NTN1: variants seen among roughly 807,000 people sequenced by gnomAD.
NTN1 encodes netrin 1.
A neutral mutation model predicts 54.2 loss-of-function variants in NTN1; 11 were observed. The ratio of observed to expected loss-of-function variants is 0.20; its 90% CI spans 0.13 to 0.34. The LOEUF (loss-of-function observed/expected upper bound fraction) is 0.34. Ranked by LOEUF, NTN1 falls within the 10% of genes least tolerant of loss-of-function variation. NTN1 has a pLI of 1.00. For synonymous variants in NTN1, 371 were observed against 382.0 expected, an observed-to-expected ratio of 0.97 and a Z score of 0.33; for missense variants, 740 against 893.1, an observed-to-expected ratio of 0.83 and a Z score of 2.18.
intron 2 of NTN1, among the ~76,000 whole-genome samples, chr17:9,084,645 GTTTTTTTTTTT>G (rs35003160): frequency 1.2e-5 from 1 of 83,318 alleles, no homozygotes; most frequent in Non-Finnish European, 2.4e-5. Context: ...GTTCTTTGCA[GTTTTTTTTTTT>G]TTTTTTTTTT....
intron 2 of NTN1, among the ~76,000 whole-genome samples, chr17:9,105,360 G>A (rs35571395): frequency 0.075 from 11,445 of 152,244 alleles, 618 homozygotes; most frequent in Non-Finnish European, 0.11. Flanking sequence ...TTTTCTGAAG[G>A]TATCTGGAGC....
intron 2 of NTN1, among the ~76,000 whole-genome samples, chr17:9,069,331 C>G (rs1027205962): frequency 4.6e-5 from 7 of 151,764 alleles, no homozygotes; most frequent in African/African-American, 1.2e-4. Context: ...AAATTAAGTT[C>G]TAGGGACATG....
chr17:9,055,147 T>C (rs1203478887), intron 2 of NTN1, among the ~76,000 whole-genome samples: 4 of 152,168 alleles, frequency 2.6e-5, no homozygotes, highest in Non-Finnish European at 5.9e-5. Flanking sequence ...TCCCATCTGA[T>C]CAGAGACACT....
intron 2 of NTN1, among the ~76,000 whole-genome samples, chr17:9,046,187 T>C (rs1037212131): frequency 2.0e-5 from 3 of 152,120 alleles, no homozygotes; most frequent in African/African-American, 7.2e-5. Flanking sequence ...TAATAAATCT[T>C]AGAACTCAAC....
intron 2 of NTN1, among the ~76,000 whole-genome samples, chr17:9,130,463 G>T (rs116613584): frequency 0.01 from 1,569 of 152,220 alleles, 32 homozygotes; most frequent in African/African-American, 0.036. Context: ...TGTCTGTCCT[G>T]CAGGAGTTCA....
chr17:9,013,009 A>G, the NTN1 span, among the ~76,000 whole-genome samples: 1 of 151,854 alleles, frequency 6.6e-6, no homozygotes, highest in Non-Finnish European at 1.5e-5. Context: ...TCTAGGAGCC[A>G]TTTTTTGGTT....
intron 2 of NTN1, among the ~76,000 whole-genome samples, chr17:9,143,200 G>A (rs2092303385): frequency 6.6e-6 from 1 of 152,174 alleles, no homozygotes; most frequent in Admixed American, 6.5e-5. Flanking sequence ...AGAAGGTAGC[G>A]ATAAAGGGCC....
Position 9,241,582 on chromosome 17 carries a change from G to A in NTN1, c.*1614G>A, listed in dbSNP as rs1906216308. 6.6e-6 allele frequency: 1 copy of A among 152,334 alleles called. No homozygotes were observed. The highest frequency in any genetic ancestry group is 1.5e-5 in the Non-Finnish European group (1 of 68,130). 9.4% of individuals were successfully genotyped at this position (152,334 alleles called of 1,614,324 possible). On this transcript the variant is annotated 3_prime_UTR_variant, in exon 7 of 7. Transcript: ENST00000173229. ...GGTTTCACTTTCCCGGCCAGAGTTT[G>A]GCTGCTCAAAAGGGTCATACCAAGT...
At chr17:9,130,201 G>C (rs2092260140) in intron 2 of NTN1, among the ~76,000 whole-genome samples, 1 of 152,118 alleles carries the variant, frequency 6.6e-6, no homozygotes, top group Non-Finnish European at 1.5e-5. Flanking sequence ...TGAGGCAGAT[G>C]GTGAAGGGAG....
At chr17:9,144,891 G>T (rs965177425) in intron 2 of NTN1, among the ~76,000 whole-genome samples, 1 of 152,200 alleles carries the variant, frequency 6.6e-6, no homozygotes, top group African/African-American at 2.4e-5. Flanking sequence ...CCTCCTCGAG[G>T]GTGGGAGGGA....
Position 9,114,622 on chromosome 17 carries a change from G to A in NTN1, c.1019-48191G>A, listed in dbSNP as rs1024277991. Among the ~76,000 whole-genome samples the A allele has an allele frequency of 4.4e-4, 67 of 151,970 alleles. 1 individual carries two copies. Among genetic ancestry groups the A allele is most frequent in the East Asian group, 7.8e-4 (4 of 5,144 alleles). The stretch of plus-strand genomic sequence containing the variant: ...ACAAACATTAGCTGGGTGTGGTGGC[G>A]GGTGCCTGTAATCCCAGCTACTTGG... On this transcript the variant is annotated intron_variant, in intron 2 of 6. Coordinates refer to ENST00000173229, the MANE Select transcript of NTN1 (RefSeq NM_004822.3).
At chr17:9,140,177 A>G (rs2092293574) in intron 2 of NTN1, among the ~76,000 whole-genome samples, 1 of 151,984 alleles carries the variant, frequency 6.6e-6, no homozygotes, top group African/African-American at 2.4e-5. Context: ...TGTCTAGGAG[A>G]GCTGTGTTCT....
rs1180136945 is a variant in NTN1, at chr17:9,114,162, A to ATATATAT, written c.1019-48651_1019-48650insTATATAT. ...GGGTGCCAAAAAAAAAGAAAAAAAAAAAAAATATATATATATATATATATG... is the reference window on the plus strand; with the variant it reads ...GGGTGCCAAAAAAAAAGAAAAAAAAATATATATAAAAATATATATATATATATATATG... On this transcript the variant is annotated intron_variant, in intron 2 of 6. Coordinates refer to ENST00000173229, the MANE Select transcript of NTN1 (RefSeq NM_004822.3). Among the ~76,000 whole-genome samples the ATATATAT allele has an allele frequency of 9.0e-4, 76 of 84,186 alleles. 1 individual carries two copies. The highest frequency in any genetic ancestry group is 3.0e-3 in the African/African-American group (62 of 20,926). The allele number at this position is 84,186 out of a possible 152,430, so 55.2% of individuals were successfully genotyped here.
intron 2 of NTN1, among the ~76,000 whole-genome samples, chr17:9,153,668 C>T (rs1028101838): frequency 2.6e-5 from 4 of 152,202 alleles, no homozygotes; most frequent in Admixed American, 6.5e-5. Context: ...CTATGGCAGG[C>T]GTGCTTCCCA....
chr17:9,088,067 C>T (rs752159457), intron 2 of NTN1, among the ~76,000 whole-genome samples: 11 of 152,180 alleles, frequency 7.2e-5, no homozygotes, highest in Admixed American at 1.3e-4. Context: ...AGAGCTGAGA[C>T]GCATACTGCT....
intron 2 of NTN1, among the ~76,000 whole-genome samples, chr17:9,052,368 C>G (rs1237167714): frequency 6.6e-6 from 1 of 152,100 alleles, no homozygotes; most frequent in Non-Finnish European, 1.5e-5. Flanking sequence ...TCCCTATGAC[C>G]CCGGCAGGTC....
chr17:9,230,632 G>A (rs1905776636), intron 6 of NTN1, among the ~76,000 whole-genome samples: 1 of 152,092 alleles, frequency 6.6e-6, no homozygotes, highest in Non-Finnish European at 1.5e-5. Context: ...AGAGCCCGGT[G>A]GGGGCAGGGT....
At chr17:9,101,595 C>T (rs2092150444) in intron 2 of NTN1, among the ~76,000 whole-genome samples, 1 of 152,224 alleles carries the variant, frequency 6.6e-6, no homozygotes, top group South Asian at 2.1e-4. Context: ...ATGACAGCAA[C>T]CTGGCCAGGT....
At chr17:9,100,933 C>T (rs974247534) in intron 2 of NTN1, among the ~76,000 whole-genome samples, 6 of 152,200 alleles carry the variant, frequency 3.9e-5, no homozygotes, top group African/African-American at 1.4e-4. Flanking sequence ...CTGTTCCTCC[C>T]TTCCTGGAGG....
Sources: allele counts gnomAD v4.1 joint callset (sites outside exome capture counted in the v4.1 genomes callset), GRCh38; gene constraint gnomAD v4.1.1; transcripts MANE v1.5; gene names NCBI Gene and HGNC (gene_info 2026-07-23, HGNC 2026-07-21).